Variants in ZNF33B observed in about 807,000 individuals in gnomAD.
ZNF33B encodes zinc finger protein 33B.
A neutral mutation model predicts 45.8 loss-of-function variants in ZNF33B; 29 were observed. That is an observed-to-expected ratio of 0.63 (90% CI 0.47 to 0.86). The LOEUF (loss-of-function observed/expected upper bound fraction) is 0.86, where lower values mean the gene tolerates loss of function less well. ZNF33B is among the 40% of genes least tolerant of loss of function. The probability of loss-of-function intolerance (pLI) is 0.00; values close to 1 mark genes in which losing one functional copy is unlikely to be tolerated. For synonymous variants in ZNF33B, 305 were observed against 307.8 expected (o/e 0.99, Z 0.10); for missense variants, 831 against 909.9 (o/e 0.91, Z 1.12).
intron 2 of ZNF33B, among the ~76,000 whole-genome samples, chr10:42,634,309 A>C (rs1232630339): frequency 6.6e-6 from 1 of 152,062 alleles, no homozygotes; most frequent in Non-Finnish European, 1.5e-5. Context: ...GGAGAGGCTG[A>C]GACAGGAGAA....
intron 4 of ZNF33B, among the ~76,000 whole-genome samples, chr10:42,609,557 GAA>G (rs1838016998): frequency 6.6e-6 from 1 of 152,166 alleles, no homozygotes; most frequent in African/African-American, 2.4e-5. Context: ...AAAATAAGAA[GAA>G]ACACTTGCCA....
intron 4 of ZNF33B, 110 bp downstream of exon 4, chr10:42,631,819 C>T: frequency 2.3e-6 from 2 of 864,490 alleles, no homozygotes; most frequent in Non-Finnish European, 3.9e-6. Flanking sequence ...GAGGTTAGGA[C>T]CCCTATGGAG....
chr10:42,593,118 C>T lies in ZNF33B; in HGVS notation c.1832G>A (p.Cys611Tyr). ...RTHTGEKPYE[C>Y]NECGKTFCQK... The stretch of plus-strand genomic sequence containing the variant: ...GCAGAAGGTTTTTCCACATTCATTA[C>T]ATTCATAGGGTTTCTCCCCTGTATG... Residue 611 changes from cysteine (C) to tyrosine (Y), a missense_variant, in exon 5 of 5, where the codon TGT becomes TAT. Cys to Tyr is a radical substitution (Grantham distance 194, BLOSUM62 -2). Transcript: ENST00000359467. The T allele has an allele frequency of 6.2e-7, 1 of 1,613,948 alleles. No homozygotes were observed. Among genetic ancestry groups the T allele is most frequent in the Non-Finnish European group, 8.5e-7 (1 of 1,179,966 alleles).
chr10:42,574,348 G>A (rs1421439613), exon 2 of ZNF33B: 3 of 151,970 alleles, frequency 2.0e-5, no homozygotes, highest in Admixed American at 6.6e-5. Context: ...GGATGTTCTC[G>A]GGACATCCTT....
At chr10:42,628,915 A>G (rs2132153842) in intron 4 of ZNF33B, among the ~76,000 whole-genome samples, 1 of 152,342 alleles carries the variant, frequency 6.6e-6, no homozygotes, top group South Asian at 2.1e-4. Flanking sequence ...TGAAAAAACT[A>G]AAAGTAGAGC....
intron 4 of ZNF33B, among the ~76,000 whole-genome samples, chr10:42,629,337 G>C (rs1838948510): frequency 6.6e-6 from 1 of 151,810 alleles, no homozygotes; most frequent in Non-Finnish European, 1.5e-5. Flanking sequence ...ATGGTTAAAG[G>C]GTACAAAAAA....
chr10:42,622,954 A>G (rs1838654433), intron 4 of ZNF33B, among the ~76,000 whole-genome samples: 1 of 152,236 alleles, frequency 6.6e-6, no homozygotes, highest in Non-Finnish European at 1.5e-5. Context: ...TATGACATAA[A>G]ATGGATAAGC....
chr10:42,638,432 C>T (rs1023697133), intron 1 of ZNF33B, 42 bp downstream of exon 1: 5 of 346,548 alleles, frequency 1.4e-5, no homozygotes, highest in Admixed American at 1.0e-4. Flanking sequence ...TGGAGTCGCG[C>T]GGGGCCCCCT....
rs1456260616 is a variant in ZNF33B, at chr10:42,594,668, C to T, written c.282G>A (p.Arg94=). 1 of 1,594,432 alleles carries T rather than the reference C, an allele frequency of 6.3e-7. No homozygotes were observed. Among genetic ancestry groups the T allele is most frequent in the Admixed American group, 1.8e-5 (1 of 56,662 alleles). The change falls in exon 5 of 5, where the codon AGG becomes AGA. Residue 94 remains arginine, a synonymous_variant. Coordinates refer to ENST00000359467, the MANE Select transcript of ZNF33B (RefSeq NM_006955.3). ...AATGTTTAGATTGATTTTCTTGGCT[C>T]CTCTCTTTCAGGTGATCAGCTGTCC... is the stretch of plus-strand genomic sequence containing the variant. ...EVWTADHLKE[R]SQENQSKHLW...
intron 4 of ZNF33B, among the ~76,000 whole-genome samples, chr10:42,612,779 T>C (rs1450051354): frequency 1.3e-5 from 2 of 152,228 alleles, no homozygotes; most frequent in East Asian, 3.8e-4. Flanking sequence ...AGAACTGGTA[T>C]ATTTCTTCCT....
At chr10:42,633,920 G>C (rs1181083712) in intron 2 of ZNF33B, among the ~76,000 whole-genome samples, 1 of 151,150 alleles carries the variant, frequency 6.6e-6, no homozygotes, top group Non-Finnish European at 1.5e-5. Context: ...AGTCAGCCGA[G>C]GTCGGCACCA....
At chr10:42,583,834 C>A (rs550080390) in intron 1 of ZNF33B, among the ~76,000 whole-genome samples, 14 of 152,242 alleles carry the variant, frequency 9.2e-5, no homozygotes, top group African/African-American at 2.9e-4. Flanking sequence ...GAAGCTGGAA[C>A]CTCTTACGTC....
intron 4 of ZNF33B, among the ~76,000 whole-genome samples, chr10:42,612,656 G>A (rs940185811): frequency 1.3e-5 from 2 of 151,998 alleles, no homozygotes; most frequent in Admixed American, 6.6e-5. Flanking sequence ...ATTAGTGTGC[G>A]GTTTTTCTTC....
intron 4 of ZNF33B, among the ~76,000 whole-genome samples, chr10:42,608,226 G>T (rs566930782): frequency 6.6e-6 from 1 of 152,088 alleles, no homozygotes; most frequent in African/African-American, 2.4e-5. Context: ...AGAATTAAAA[G>T]AAAAAATACA....
intron 2 of ZNF33B, among the ~76,000 whole-genome samples, chr10:42,633,705 C>T (rs757700667): frequency 1.3e-5 from 2 of 152,164 alleles, no homozygotes; most frequent in Non-Finnish European, 2.9e-5. Context: ...CAGTGCCTCA[C>T]GCCTGTAATC....
At chr10:42,576,189 A>G (rs1286894285) in intron 1 of ZNF33B, among the ~76,000 whole-genome samples, 3 of 151,892 alleles carry the variant, frequency 2.0e-5, no homozygotes, top group Non-Finnish European at 4.4e-5. Context: ...GGGTTTCACC[A>G]TGTTTCCCAG....
chr10:42,580,075 T>C (rs1194507116), intron 1 of ZNF33B, among the ~76,000 whole-genome samples: 2 of 152,156 alleles, frequency 1.3e-5, no homozygotes, highest in Admixed American at 6.6e-5. Flanking sequence ...TAAATCATAT[T>C]TGCATGCTCT....
rs1181296971 is a variant in ZNF33B at position 42,593,952 on chromosome 10, T to C, written c.998A>G (p.Glu333Gly). The change falls in exon 5 of 5, where the codon GAA becomes GGA. Residue 333 changes from glutamate (E) to glycine (G), a missense_variant. Transcript: ENST00000359467. Reference sequence around the variant, plus strand: ...CTTCTCCCAGAAAGCTTTCCCACATTCATTACATTCAAAGTGTTTCTCTCC... The same window carrying C: ...CTTCTCCCAGAAAGCTTTCCCACATCCATTACATTCAAAGTGTTTCTCTCC... ...DKGEKHFECN[E>G]CGKAFWEKSH... 6.2e-7 allele frequency: 1 copy of C among 1,613,930 alleles called. No individual in the cohort carries two copies. Among genetic ancestry groups the C allele is most frequent in the African/African-American group, 1.3e-5 (1 of 74,898 alleles).
At chr10:42,628,705 A>C (rs2132153122) in intron 4 of ZNF33B, among the ~76,000 whole-genome samples, 1 of 152,280 alleles carries the variant, frequency 6.6e-6, no homozygotes, top group African/African-American at 2.4e-5. Flanking sequence ...TGAGTTTCCT[A>C]AGAAAACATT....
Sources: gnomAD v4.1 joint callset for allele counts (sites outside exome capture counted in the v4.1 genomes callset) on GRCh38, gnomAD v4.1.1 for gene constraint, MANE v1.5 for transcripts, NCBI Gene and HGNC (gene_info 2026-07-23, HGNC 2026-07-21) for gene names.